Variants in SORCS3 observed in about 807,000 individuals in gnomAD.
The protein encoded by SORCS3 is sortilin related VPS10 domain containing receptor 3, also known as VPS10 domain-containing receptor SorCS3.
A neutral mutation model predicts 146.3 loss-of-function variants in SORCS3; 57 were observed. The ratio of observed to expected loss-of-function variants is 0.39; its 90% confidence interval spans 0.31 to 0.49. SORCS3 has a LOEUF of 0.49. Among genes scored for constraint, SORCS3 ranks in the 20% least tolerant of loss-of-function variants. The pLI is 0.92. For synonymous variants in SORCS3, 653 were observed against 618.5 expected, an observed-to-expected ratio of 1.06 and a Z score of -0.83; for missense variants, 1,341 against 1,575.5, an observed-to-expected ratio of 0.85 and a Z score of 2.52.
intron 1 of SORCS3, among the ~76,000 whole-genome samples, chr10:104,837,149 C>T (rs953701903): frequency 6.6e-6 from 1 of 152,088 alleles, no homozygotes; most frequent in Non-Finnish European, 1.5e-5. Context: ...CATGTGTCAG[C>T]CGTTGTGCTT....
intron 5 of SORCS3, among the ~76,000 whole-genome samples, chr10:105,079,535 A>G (rs942508535): frequency 2.0e-5 from 3 of 152,108 alleles, no homozygotes; most frequent in African/African-American, 7.2e-5. Flanking sequence ...CATATTGTAT[A>G]TTTCTTTTTT....
intron 2 of SORCS3, among the ~76,000 whole-genome samples, chr10:104,909,936 G>A (rs141354599): frequency 0.019 from 2,903 of 152,140 alleles, 43 homozygotes; most frequent in Middle Eastern, 0.044. Flanking sequence ...TTGTCAGTGG[G>A]AAAGTGGCCC....
intron 7 of SORCS3, among the ~76,000 whole-genome samples, chr10:105,125,679 C>CCACACACACACA (rs71022752): frequency 0.019 from 2,739 of 144,444 alleles, 75 homozygotes; most frequent in African/African-American, 0.055. Flanking sequence ...CACTGAATAT[C>CCACACACACACA]CACACACACA....
chr10:104,691,720 A>G (rs1260368800), intron 1 of SORCS3, among the ~76,000 whole-genome samples: 1 of 152,132 alleles, frequency 6.6e-6, no homozygotes, highest in Non-Finnish European at 1.5e-5. Flanking sequence ...AATGAACTAT[A>G]TAATGTGTGT....
intron 1 of SORCS3, among the ~76,000 whole-genome samples, chr10:104,743,417 G>T (rs114943157): frequency 0.011 from 1,695 of 152,292 alleles, 35 homozygotes; most frequent in African/African-American, 0.039. Flanking sequence ...AATAACTGAT[G>T]TTGGGAATGC....
At chr10:104,739,502 G>C (rs2016815842) in intron 1 of SORCS3, among the ~76,000 whole-genome samples, 1 of 152,192 alleles carries the variant, frequency 6.6e-6, no homozygotes, top group South Asian at 2.1e-4. Flanking sequence ...GCACTCGGGA[G>C]AGGTGATAAC....
At chr10:105,048,987 T>G (rs1589609021) in intron 5 of SORCS3, among the ~76,000 whole-genome samples, 1 of 152,132 alleles carries the variant, frequency 6.6e-6, no homozygotes, top group East Asian at 1.9e-4. Context: ...TATCAGACAT[T>G]GAAAATTTTC....
intron 9 of SORCS3, among the ~76,000 whole-genome samples, chr10:105,149,782 A>G (rs959157016): frequency 6.6e-6 from 1 of 152,232 alleles, no homozygotes; most frequent in East Asian, 1.9e-4. Context: ...TCTTATTCTA[A>G]GAAGGGGTGC....
At chr10:104,796,567 T>C (rs1294027377) in intron 1 of SORCS3, among the ~76,000 whole-genome samples, 1 of 152,240 alleles carries the variant, frequency 6.6e-6, no homozygotes, top group Non-Finnish European at 1.5e-5. Flanking sequence ...ACTCTGCATT[T>C]ATGGCAGGTG....
intron 1 of SORCS3, among the ~76,000 whole-genome samples, chr10:104,643,031 T>G (rs2015445945): frequency 6.6e-6 from 1 of 152,288 alleles, no homozygotes; most frequent in Admixed American, 6.5e-5. Flanking sequence ...TCCCACCATC[T>G]CCCCGACTTC....
At chr10:104,810,299 T>C (rs913086152) in intron 1 of SORCS3, among the ~76,000 whole-genome samples, 11 of 152,228 alleles carry the variant, frequency 7.2e-5, no homozygotes, top group Non-Finnish European at 8.8e-5. Context: ...CTGGAGATTA[T>C]GTTAACATAC....
chr10:105,157,350 G>T, intron 10 of SORCS3, 66 bp downstream of exon 10: 7 of 1,588,102 alleles, frequency 4.4e-6, no homozygotes, highest in Non-Finnish European at 6.0e-6. Context: ...CTGTGTCGAG[G>T]GCTTTGTTTC....
intron 3 of SORCS3, among the ~76,000 whole-genome samples, chr10:104,970,977 G>A (rs1281877046): frequency 6.6e-6 from 1 of 152,178 alleles, no homozygotes; most frequent in African/African-American, 2.4e-5. Context: ...GGCAACATAT[G>A]CAAAGATAAG....
chr10:104,703,742 G>GA (rs796393194), intron 1 of SORCS3, among the ~76,000 whole-genome samples: 29 of 126,780 alleles, frequency 2.3e-4, no homozygotes, highest in Admixed American at 2.4e-4. Context: ...AAGAAATGAA[G>GA]AAAAAAAAAA....
chr10:105,231,159 G>T (rs1284755829), intron 20 of SORCS3, among the ~76,000 whole-genome samples: 1 of 152,162 alleles, frequency 6.6e-6, no homozygotes, highest in Non-Finnish European at 1.5e-5. Flanking sequence ...TTACTTCTCT[G>T]TTGAACTCCA....
intron 16 of SORCS3, among the ~76,000 whole-genome samples, chr10:105,205,661 G>T (rs965066439): frequency 1.3e-5 from 2 of 152,120 alleles, no homozygotes; most frequent in Admixed American, 6.6e-5. Context: ...GAGAAACGAG[G>T]TTGAACCAGA....
chr10:104,875,190 G>C (rs1413716102), intron 2 of SORCS3, among the ~76,000 whole-genome samples: 2 of 152,304 alleles, frequency 1.3e-5, no homozygotes, highest in Non-Finnish European at 2.9e-5. Flanking sequence ...TCAGTTGGTA[G>C]ATATTTCCAA....
intron 3 of SORCS3, among the ~76,000 whole-genome samples, chr10:104,927,357 G>A (rs1435474955): frequency 1.3e-5 from 2 of 152,144 alleles, no homozygotes; most frequent in African/African-American, 4.8e-5. Flanking sequence ...GATTCCATTT[G>A]AGGTTAAATG....
At chr10:105,070,813 C>T (rs2055551970) in intron 5 of SORCS3, among the ~76,000 whole-genome samples, 1 of 152,186 alleles carries the variant, frequency 6.6e-6, no homozygotes, top group Non-Finnish European at 1.5e-5. Context: ...GGCAATTTGT[C>T]AGGAGTTATA....
Sources: gnomAD v4.1 joint callset for allele counts (sites outside exome capture counted in the v4.1 genomes callset) on GRCh38, gnomAD v4.1.1 for gene constraint, MANE v1.5 for transcripts, NCBI Gene and HGNC (gene_info 2026-07-23, HGNC 2026-07-21) for gene names.